UXS1: variants seen among roughly 807,000 people sequenced by gnomAD.
The protein encoded by UXS1 is UDP-glucuronate decarboxylase 1, also known as UDP-glucuronic acid decarboxylase 1.
In UXS1, 33 loss-of-function variants were observed where a neutral mutation model predicts 62.6. The observed-to-expected ratio is 0.53, with a 90% CI of 0.40 to 0.70. The LOEUF is 0.70. UXS1 is among the 30% of genes least tolerant of loss of function. The pLI is 0.00. For synonymous variants in UXS1, 213 were observed against 206.8 expected, an observed-to-expected ratio of 1.03 and a Z score of -0.26; for missense variants, 434 against 556.3, an observed-to-expected ratio of 0.78 and a Z score of 2.21.
At chr2:106,165,097 G>A (rs1683129543) in intron 2 of UXS1, among the ~76,000 whole-genome samples, 1 of 152,254 alleles carries the variant, frequency 6.6e-6, no homozygotes, top group Admixed American at 6.5e-5. Context: ...GAAGCAGGAA[G>A]TGCGTCTGTA....
intron 1 of UXS1, among the ~76,000 whole-genome samples, chr2:106,166,789 G>A (rs369841197): frequency 8.1e-5 from 12 of 149,066 alleles, no homozygotes; most frequent in Middle Eastern, 3.4e-3. Flanking sequence ...TCCTGAGTAA[G>A]TGGGACTGCA....
intron 2 of UXS1, among the ~76,000 whole-genome samples, chr2:106,165,602 G>A (rs991306132): frequency 2.1e-4 from 32 of 151,982 alleles, no homozygotes; most frequent in Non-Finnish European, 1.5e-4. Context: ...AAGCACACAC[G>A]ATGCATACAG....
intron 1 of UXS1, among the ~76,000 whole-genome samples, chr2:106,189,353 C>T (rs1286672035): frequency 6.6e-6 from 1 of 152,218 alleles, no homozygotes; most frequent in Non-Finnish European, 1.5e-5. Flanking sequence ...AGGCCTACAA[C>T]AACCAAGATT....
intron 12 of UXS1, among the ~76,000 whole-genome samples, chr2:106,100,415 G>A (rs1034224892): frequency 3.3e-5 from 5 of 152,330 alleles, no homozygotes; most frequent in South Asian, 2.1e-4. Context: ...AATGGCCCCA[G>A]GTGGAGAAGT....
At chr2:106,186,045 G>T (rs1684527757) in intron 1 of UXS1, among the ~76,000 whole-genome samples, 1 of 152,138 alleles carries the variant, frequency 6.6e-6, no homozygotes, top group South Asian at 2.1e-4. Context: ...GGGAGGGAAA[G>T]TTCTTTTCAA....
chr2:106,184,252 A>G (rs1287569307), intron 1 of UXS1, among the ~76,000 whole-genome samples: 1 of 152,218 alleles, frequency 6.6e-6, no homozygotes, highest in Non-Finnish European at 1.5e-5. Context: ...AATCCTCCCC[A>G]CATTTACCCT....
chr2:106,190,894 C>G (rs1684883536), intron 1 of UXS1, among the ~76,000 whole-genome samples: 1 of 151,922 alleles, frequency 6.6e-6, no homozygotes, highest in Admixed American at 6.6e-5. Flanking sequence ...AGCAGTCTGC[C>G]CAGGAGCTAC....
At chr2:106,105,875 G>T (rs1196847448) in intron 10 of UXS1, among the ~76,000 whole-genome samples, 1 of 152,200 alleles carries the variant, frequency 6.6e-6, no homozygotes, top group East Asian at 1.9e-4. Flanking sequence ...CAGCTGGGAA[G>T]AAGGGACTGC....
intron 7 of UXS1, among the ~76,000 whole-genome samples, chr2:106,128,384 G>T (rs1473723397): frequency 1.3e-5 from 2 of 152,186 alleles, no homozygotes; most frequent in Admixed American, 1.3e-4. Flanking sequence ...TAGGCCACAG[G>T]ATGCCCAGGT....
chr2:106,106,765 G>A (rs1678107724), intron 10 of UXS1, among the ~76,000 whole-genome samples: 1 of 152,180 alleles, frequency 6.6e-6, no homozygotes, highest in Admixed American at 6.5e-5. Flanking sequence ...AGGACAGGAG[G>A]TCCACCCACT....
chr2:106,141,870 T>A lies in UXS1; in HGVS notation c.472+3320A>T, dbSNP rs1274447292. On this transcript the variant is annotated intron_variant, in intron 6 of 14. Coordinates refer to ENST00000283148, the MANE Select transcript of UXS1 (RefSeq NM_001253875.2). The stretch of plus-strand genomic sequence containing the variant: ...AACTGGATGTTAGCTTCAGTGTTTT[T>A]TTTTTGGTTTTTTTTTTTGAGATGA... 2.0e-5 allele frequency among the ~76,000 whole-genome samples: 3 copies of A among 151,458 alleles called. No homozygotes were observed. In the East Asian group the frequency reaches 5.8e-4, roughly 29 times the overall value.
At chr2:106,097,503 A>C in intron 13 of UXS1, 1 of 329,806 alleles carries the variant, frequency 3.0e-6, no homozygotes, top group Non-Finnish European at 6.1e-6. Flanking sequence ...GTGGTTCAGG[A>C]TGGTCTGTCA....
At chr2:106,139,734 G>C (rs957122001) in intron 6 of UXS1, among the ~76,000 whole-genome samples, 5 of 152,054 alleles carry the variant, frequency 3.3e-5, no homozygotes, top group Non-Finnish European at 7.4e-5. Context: ...GCCTCATTCT[G>C]TGCCACACCC....
chr2:106,138,142 C>T (rs572258735), intron 6 of UXS1: 2 of 983,884 alleles, frequency 2.0e-6, no homozygotes, highest in Non-Finnish European at 2.4e-6. Flanking sequence ...GCCTCTCCGA[C>T]ATCAAACAGA....
At chr2:106,169,913 G>A (rs1683438078) in intron 1 of UXS1, among the ~76,000 whole-genome samples, 1 of 152,088 alleles carries the variant, frequency 6.6e-6, no homozygotes, top group African/African-American at 2.4e-5. Context: ...TGATGTCCAA[G>A]CCACAGCCAA....
intron 6 of UXS1, among the ~76,000 whole-genome samples, chr2:106,143,408 C>CAAAAAAAAAAAAAAAAAAAAAA (rs60493984): frequency 5.2e-5 from 2 of 38,654 alleles, no homozygotes; most frequent in East Asian, 6.3e-4. Flanking sequence ...GACTCCGTCT[C>CAAAAAAAAAAAAAAAAAAAAAA]AAAAAAAAAA....
chr2:106,193,711 G>T (rs868008428), intron 1 of UXS1, among the ~76,000 whole-genome samples: 2 of 152,196 alleles, frequency 1.3e-5, no homozygotes, highest in Non-Finnish European at 2.9e-5. Flanking sequence ...CTCTGCCAAT[G>T]GCCACAGTAT....
At chr2:106,160,067 A>C (rs548449259) in intron 4 of UXS1, 2 of 152,188 alleles carry the variant, frequency 1.3e-5, no homozygotes. Flanking sequence ...GCAGCTGGGG[A>C]GCAGGAGCAA....
intron 2 of UXS1, 32 bp from the exon 3 acceptor site, chr2:106,164,831 T>G (rs371995335): frequency 2.5e-5 from 38 of 1,514,602 alleles, no homozygotes; most frequent in African/African-American, 4.2e-5. Flanking sequence ...AAAGGCTTTG[T>G]GACTTTAAGA....
Sources: allele counts gnomAD v4.1 joint callset (sites outside exome capture counted in the v4.1 genomes callset), GRCh38; gene constraint gnomAD v4.1.1; transcripts MANE v1.5; gene names NCBI Gene and HGNC (gene_info 2026-07-23, HGNC 2026-07-21).